The following NXN variants were observed in gnomAD, a reference collection of about 807,000 sequenced individuals.
The protein encoded by NXN is nucleoredoxin 1.
Under a neutral mutation model 48.6 loss-of-function variants are expected in NXN, and 16 were observed. That is an observed-to-expected ratio of 0.33 (90% CI 0.22 to 0.50). The LOEUF is 0.50. Among genes scored for constraint, NXN ranks in the 20% least tolerant of loss-of-function variants. The pLI is 0.98. For missense variants in NXN, 492 were observed against 605.5 expected, an observed-to-expected ratio of 0.81 and a Z score of 1.97; for synonymous variants, 281 against 269.6, an observed-to-expected ratio of 1.04 and a Z score of -0.41.
In NXN at chr17:979,593, CG is replaced by C; in HGVS notation, c.85del (p.Arg29AlafsTer107). 6.9e-7 allele frequency: 1 copy of C among 1,444,882 alleles called. No individual in the cohort carries two copies. Among genetic ancestry groups the C allele is most frequent in the Non-Finnish European group, 9.1e-7 (1 of 1,098,250 alleles). 89.5% of individuals were successfully genotyped at this position (1,444,882 alleles called of 1,614,324 possible). The part of the protein sequence containing the change: ...EEVDVHSLGA[R>X]GISLLGLYFG... ...GTAGAGACCCAGCAGCGAGATGCCG[CG>C]GGCGCCCAGCGAGTGCACGTCCACC... On this transcript the variant is annotated frameshift_variant, in exon 1 of 8. Transcript: ENST00000336868. LOFTEE classifies it high-confidence loss of function.
chr17:851,385 G>C lies in NXN; in HGVS notation c.361-25307C>G, dbSNP rs546762080. On this transcript the variant is annotated intron_variant, in intron 1 of 7. Transcript: ENST00000336868. ...GGGAGAGAAGATGCTTAGAAGGCAT[G>C]AGCGGGGGACGGGAAGCAGAGGGGC... Among the ~76,000 whole-genome samples the C allele has an allele frequency of 3.3e-5, 5 of 152,386 alleles. No individual in the cohort carries two copies. The East Asian group carries it at 9.6e-4, about 29-fold the overall frequency.
chr17:953,561 G>C (rs1309249058), intron 1 of NXN, among the ~76,000 whole-genome samples: 4 of 152,158 alleles, frequency 2.6e-5, no homozygotes, highest in Non-Finnish European at 5.9e-5. Context: ...AACCTGTTAG[G>C]ATTCTCCAGC....
chr17:882,354 T>G (rs910329638), intron 1 of NXN, among the ~76,000 whole-genome samples: 4 of 152,098 alleles, frequency 2.6e-5, no homozygotes, highest in Non-Finnish European at 5.9e-5. Context: ...TTCCCCATGC[T>G]TCTCTCTTCC....
intron 1 of NXN, among the ~76,000 whole-genome samples, chr17:898,121 TC>T (rs1445826692): frequency 4.6e-5 from 7 of 152,326 alleles, no homozygotes; most frequent in Admixed American, 3.9e-4. Context: ...TCATCTTTGT[TC>T]CTGTCTTCAT....
Position 951,174 on chromosome 17 carries a change from TTAAAA to T in NXN, c.360+28140_360+28144del, listed in dbSNP as rs1275606296. ...CAACATGGTGAAACCCTGTCTCTAC[TTAAAA>T]AAAAAAAAAAAAAAAAAAAAAAAAG... On this transcript the variant is annotated intron_variant, in intron 1 of 7. Coordinates refer to ENST00000336868, the MANE Select transcript of NXN (RefSeq NM_022463.5). 5.9e-5 allele frequency among the ~76,000 whole-genome samples: 4 copies of T among 67,528 alleles called. 1 individual carries two copies. The highest frequency in any genetic ancestry group is 2.0e-4 in the African/African-American group (3 of 15,130). 44.3% of individuals were successfully genotyped at this position (67,528 alleles called of 152,430 possible).
chr17:833,667 A>G (rs1913622766), intron 1 of NXN, among the ~76,000 whole-genome samples: 1 of 152,048 alleles, frequency 6.6e-6, no homozygotes, highest in African/African-American at 2.4e-5. Context: ...GAGTTCATAA[A>G]TCCCCCTGAA....
intron 1 of NXN, among the ~76,000 whole-genome samples, chr17:938,330 C>T (rs994623016): frequency 5.3e-5 from 8 of 152,270 alleles, no homozygotes; most frequent in Non-Finnish European, 8.8e-5. Flanking sequence ...GATATGACAG[C>T]AAGTGAGCTG....
intron 1 of NXN, among the ~76,000 whole-genome samples, chr17:974,527 G>A (rs546117863): frequency 2.2e-4 from 33 of 152,028 alleles, no homozygotes; most frequent in African/African-American, 2.9e-4. Context: ...TGCCAGGCAC[G>A]TGTATATTAT....
chr17:827,877 G>C (rs1004900019), intron 1 of NXN, among the ~76,000 whole-genome samples: 1 of 152,166 alleles, frequency 6.6e-6, no homozygotes, highest in Non-Finnish European at 1.5e-5. Context: ...ATTGTCCCGA[G>C]TTCCATCCGA....
At chr17:827,313 C>G (rs1047353760) in intron 1 of NXN, among the ~76,000 whole-genome samples, 5 of 151,676 alleles carry the variant, frequency 3.3e-5, no homozygotes, top group African/African-American at 4.8e-5. Flanking sequence ...CCCGTCTCTA[C>G]TAAAAATACA....
chr17:950,047 G>A (rs1003865497), intron 1 of NXN, among the ~76,000 whole-genome samples: 9 of 152,028 alleles, frequency 5.9e-5, no homozygotes, highest in African/African-American at 9.7e-5. Context: ...TTTTTAAAAA[G>A]GAAAAAAAGA....
intron 1 of NXN, among the ~76,000 whole-genome samples, chr17:829,752 G>A (rs1043103079): frequency 3.3e-5 from 5 of 152,134 alleles, no homozygotes; most frequent in Non-Finnish European, 7.3e-5. Flanking sequence ...TTAGTTTGCT[G>A]AGAATGATGT....
At chr17:847,912 T>C (rs957873979) in intron 1 of NXN, among the ~76,000 whole-genome samples, 1 of 152,002 alleles carries the variant, frequency 6.6e-6, no homozygotes, top group Admixed American at 6.6e-5. Context: ...AATAAAGAAA[T>C]AAATATAGGA....
chr17:873,549 T>C (rs910859775), intron 1 of NXN, among the ~76,000 whole-genome samples: 2 of 151,462 alleles, frequency 1.3e-5, no homozygotes, highest in African/African-American at 4.9e-5. Context: ...TACTTATATT[T>C]TGCTAGTCAC....
At chr17:831,017 C>G (rs9896189) in intron 1 of NXN, among the ~76,000 whole-genome samples, 56,255 of 145,450 alleles carry the variant, frequency 0.39, 11,322 homozygotes, top group East Asian at 0.51. Context: ...AAAAAAAAAA[C>G]ATGCTCTAAC....
intron 5 of NXN, among the ~76,000 whole-genome samples, chr17:807,821 C>T (rs1469846116): frequency 1.3e-5 from 2 of 152,272 alleles, no homozygotes; most frequent in African/African-American, 4.8e-5. Flanking sequence ...ATGACGAGTG[C>T]ACATCCCTCC....
At chr17:804,959 G>A in intron 6 of NXN, 109 bp downstream of exon 6, 1 of 1,187,164 alleles carries the variant, frequency 8.4e-7, no homozygotes, top group Non-Finnish European at 1.2e-6. Context: ...GCCCAGGCTT[G>A]CACTGCTGGT....
chr17:972,971 C>A (rs563058149), intron 1 of NXN, among the ~76,000 whole-genome samples: 5 of 150,284 alleles, frequency 3.3e-5, no homozygotes, highest in South Asian at 4.2e-4. Flanking sequence ...GCGGAGATTG[C>A]GGTGAGCCCA....
intron 1 of NXN, among the ~76,000 whole-genome samples, chr17:848,852 T>C (rs1343932689): frequency 1.3e-5 from 2 of 151,826 alleles, no homozygotes; most frequent in Non-Finnish European, 2.9e-5. Flanking sequence ...TCGCCAGGGG[T>C]GGTGGAGATG....
Sources: allele counts gnomAD v4.1 joint callset (sites outside exome capture counted in the v4.1 genomes callset), GRCh38; gene constraint gnomAD v4.1.1; transcripts MANE v1.5; gene names NCBI Gene and HGNC (gene_info 2026-07-23, HGNC 2026-07-21).